TOGARAM1: variants seen among roughly 807,000 people sequenced by gnomAD.
The protein encoded by TOGARAM1 is TOG array regulator of axonemal microtubules protein 1.
In TOGARAM1, 100 loss-of-function variants were observed where a neutral mutation model predicts 166.6. That is an observed-to-expected ratio of 0.60 (90% CI 0.51 to 0.71). The LOEUF is 0.71. Among genes scored for constraint, TOGARAM1 ranks in the 30% least tolerant of loss-of-function variants. The pLI, the probability that TOGARAM1 is intolerant of heterozygous loss-of-function variation, is 0.00. For missense variants in TOGARAM1, 2,029 were observed against 2,102.7 expected, an observed-to-expected ratio of 0.96 and a Z score of 0.69; for synonymous variants, 758 against 763.8, an observed-to-expected ratio of 0.99 and a Z score of 0.13.
At chr14:45,056,718 A>G (rs564046481) in intron 16 of TOGARAM1, among the ~76,000 whole-genome samples, 47 of 152,160 alleles carry the variant, frequency 3.1e-4, no homozygotes, top group South Asian at 2.1e-4. Context: ...ATAAAACCCA[A>G]TTGATCCTGA....
chr14:44,962,472 C>G lies in TOGARAM1; in HGVS notation c.51C>G (p.Leu17=). The G allele has an allele frequency of 6.2e-7, 1 of 1,605,908 alleles. No individual in the cohort carries two copies. Among genetic ancestry groups the G allele is most frequent in the Non-Finnish European group, 8.5e-7 (1 of 1,176,548 alleles). Reference sequence around the variant, plus strand: ...TTCTGCTGCCGCCCTTTCCAGTCCTCTCTACCTATCGGCTCCAGAGCCGCA... The same window carrying G: ...TTCTGCTGCCGCCCTTTCCAGTCCTGTCTACCTATCGGCTCCAGAGCCGCA... ...ALLLLPPFPV[L]STYRLQSRSR... Residue 17 remains leucine, a synonymous_variant, in exon 1 of 20, where the codon CTC becomes CTG. Coordinates refer to ENST00000361462, the MANE Select transcript of TOGARAM1 (RefSeq NM_001308120.2).
At chr14:45,033,644 A>G (rs1315881757) in intron 11 of TOGARAM1, among the ~76,000 whole-genome samples, 5 of 152,194 alleles carry the variant, frequency 3.3e-5, no homozygotes, top group African/African-American at 1.2e-4. Flanking sequence ...CTGATTTTTC[A>G]TAAATGTATA....
chr14:44,973,686 A>G (rs1015470120), intron 1 of TOGARAM1, among the ~76,000 whole-genome samples: 2 of 151,642 alleles, frequency 1.3e-5, no homozygotes, highest in Non-Finnish European at 2.9e-5. Context: ...CTTACAAGGC[A>G]GGTCTTACTA....
At chr14:44,995,935 A>G in intron 2 of TOGARAM1, 33 bp downstream of exon 2, 1 of 1,561,678 alleles carries the variant, frequency 6.4e-7, no homozygotes, top group Non-Finnish European at 8.7e-7. Context: ...GGTCATGTTG[A>G]ACTAACAGAC....
At chr14:44,997,623 A>G (rs1887485929) in intron 2 of TOGARAM1, among the ~76,000 whole-genome samples, 1 of 152,130 alleles carries the variant, frequency 6.6e-6, no homozygotes. Flanking sequence ...GTCATTGACC[A>G]TAACATTTAG....
At chr14:45,056,748 G>A (rs186380305) in intron 16 of TOGARAM1, among the ~76,000 whole-genome samples, 1 of 152,028 alleles carries the variant, frequency 6.6e-6, no homozygotes, top group Admixed American at 6.6e-5. Context: ...TTTTTGACGT[G>A]CTGTTGTTGC....
At chr14:44,993,779 A>G (rs1594632489) in intron 1 of TOGARAM1, among the ~76,000 whole-genome samples, 1 of 152,152 alleles carries the variant, frequency 6.6e-6, no homozygotes, top group African/African-American at 2.4e-5. Flanking sequence ...CCACATTCAC[A>G]TATGCACACA....
chr14:44,962,442 G>T lies in TOGARAM1; in HGVS notation c.21G>T (p.Ala7=). 2 of 1,569,904 alleles carry T rather than the reference G, an allele frequency of 1.3e-6. No homozygotes were observed. Among genetic ancestry groups the T allele is most frequent in the Non-Finnish European group, 1.7e-6 (2 of 1,159,018 alleles). The part of the protein sequence containing the change: MAAAPS[A]LLLLPPFPVL... The stretch of plus-strand genomic sequence containing the variant: ...CCTGCATGGCGGCTGCCCCCTCCGC[G>T]CTGCTTCTGCTGCCGCCCTTTCCAG... The change falls in exon 1 of 20, where the codon GCG becomes GCT. Residue 7 remains alanine, a synonymous_variant. Transcript: ENST00000361462.
chr14:45,061,653 T>C (rs762363734), intron 16 of TOGARAM1, among the ~76,000 whole-genome samples: 1 of 152,172 alleles, frequency 6.6e-6, no homozygotes, highest in Non-Finnish European at 1.5e-5. Context: ...TTTTGTTTAT[T>C]TTGTTACTAT....
chr14:44,986,121 T>G (rs1285904728), intron 1 of TOGARAM1, among the ~76,000 whole-genome samples: 2 of 152,162 alleles, frequency 1.3e-5, no homozygotes, highest in Admixed American at 6.5e-5. Context: ...TAGAGGAAAT[T>G]TAAGAAATTT....
chr14:44,976,134 C>T (rs1164470978), intron 1 of TOGARAM1, among the ~76,000 whole-genome samples: 1 of 152,174 alleles, frequency 6.6e-6, no homozygotes, highest in Non-Finnish European at 1.5e-5. Context: ...ATAACACTCA[C>T]TTTGATTAAC....
At chr14:44,991,697 T>C (rs912701602) in intron 1 of TOGARAM1, among the ~76,000 whole-genome samples, 4 of 152,090 alleles carry the variant, frequency 2.6e-5, no homozygotes, top group Admixed American at 2.6e-4. Flanking sequence ...TCTACATATT[T>C]ACTCTGTGCC....
At chr14:44,971,990 C>A (rs921966346) in intron 1 of TOGARAM1, among the ~76,000 whole-genome samples, 1 of 152,104 alleles carries the variant, frequency 6.6e-6, no homozygotes, top group South Asian at 2.1e-4. Context: ...GAAGGAGTCA[C>A]GTCTTACATG....
At chr14:44,984,560 G>A (rs945317088) in intron 1 of TOGARAM1, among the ~76,000 whole-genome samples, 3 of 151,730 alleles carry the variant, frequency 2.0e-5, no homozygotes, top group African/African-American at 4.8e-5. Flanking sequence ...GCTGAGGCTG[G>A]AGGATCACTT....
Position 45,009,037 on chromosome 14 carries a change from C to T in TOGARAM1, c.3029C>T (p.Pro1010Leu), listed in dbSNP as rs757108082. 1.2e-5 allele frequency: 19 copies of T among 1,613,932 alleles called. No homozygotes were observed. The highest frequency in any genetic ancestry group is 5.3e-5 in the African/African-American group (4 of 74,912). Reference sequence around the variant, plus strand: ...AAGCTCGACTTGACGATGGACTCCCCGTCTCTGTCTTCCTCACCAAACATC... The same window carrying T: ...AAGCTCGACTTGACGATGGACTCCCTGTCTCTGTCTTCCTCACCAAACATC... The part of the protein sequence containing the change: ...AMKLDLTMDS[P>L]SLSSSPNINS... Residue 1010 changes from proline to leucine, a missense_variant, in exon 6 of 20, where the codon CCG becomes CTG. Pro to Leu is a moderately conservative substitution (Grantham distance 98). Coordinates refer to ENST00000361462, the MANE Select transcript of TOGARAM1 (RefSeq NM_001308120.2).
intron 1 of TOGARAM1, among the ~76,000 whole-genome samples, chr14:44,973,465 A>G (rs1047191699): frequency 1.3e-5 from 2 of 151,940 alleles, no homozygotes; most frequent in African/African-American, 4.8e-5. Flanking sequence ...ATAAGCATAC[A>G]TAATCAAATA....
At chr14:45,046,245 G>A (rs1296049103) in intron 13 of TOGARAM1, among the ~76,000 whole-genome samples, 3 of 152,092 alleles carry the variant, frequency 2.0e-5, no homozygotes, top group Non-Finnish European at 4.4e-5. Flanking sequence ...ACCAGCCTGG[G>A]CAACATAGTA....
chr14:45,041,961 C>T lies in TOGARAM1; in HGVS notation c.3813-1725C>T, dbSNP rs780828370. ...TATTTTTTGTAGAGACAGAGTTTCA[C>T]CCAAGCTAGTCTTGAAATACTGGGC... On this transcript the variant is annotated intron_variant, in intron 11 of 19. Transcript: ENST00000361462. Among the ~76,000 whole-genome samples, 5 of 152,192 alleles carry T rather than the reference C, an allele frequency of 3.3e-5. No homozygotes were observed. In the South Asian group the frequency reaches 1.0e-3, roughly 32 times the overall value.
At chr14:45,056,679 G>A (rs979991933) in intron 16 of TOGARAM1, among the ~76,000 whole-genome samples, 15 of 151,836 alleles carry the variant, frequency 9.9e-5, no homozygotes, top group East Asian at 1.9e-4. Flanking sequence ...TTTTAATTCC[G>A]TGTGTTAAAC....
Sources: allele counts gnomAD v4.1 joint callset (sites outside exome capture counted in the v4.1 genomes callset), GRCh38; gene constraint gnomAD v4.1.1; transcripts MANE v1.5; gene names NCBI Gene and HGNC (gene_info 2026-07-23, HGNC 2026-07-21).